The following IREB2 variants were observed in gnomAD, a reference collection of about 807,000 sequenced individuals.
IREB2 encodes iron responsive element binding protein 2.
A neutral mutation model predicts 118.8 loss-of-function variants in IREB2; 39 were observed. That is an observed-to-expected ratio of 0.33 (90% CI 0.25 to 0.43). The LOEUF is 0.43. IREB2 is among the 20% of genes least tolerant of loss of function. IREB2 has a pLI of 1.00. For missense variants in IREB2, 900 were observed against 1,147.3 expected (o/e 0.78, Z 3.11); for synonymous variants, 372 against 392.2 (o/e 0.95, Z 0.61).
At chr15:78,450,850 G>A (rs2051013390) in intron 2 of IREB2, among the ~76,000 whole-genome samples, 1 of 151,428 alleles carries the variant, frequency 6.6e-6, no homozygotes, top group Non-Finnish European at 1.5e-5. Flanking sequence ...GTGTGTGTGT[G>A]TGTGTGTGTG....
chr15:78,454,816 C>T (rs898766741), intron 2 of IREB2, among the ~76,000 whole-genome samples: 2 of 152,192 alleles, frequency 1.3e-5, no homozygotes, highest in African/African-American at 4.8e-5. Context: ...GCTTCAGCCT[C>T]GTTAGTAGTT....
At chr15:78,447,073 C>T (rs1040181185) in intron 2 of IREB2, among the ~76,000 whole-genome samples, 8 of 152,110 alleles carry the variant, frequency 5.3e-5, no homozygotes, top group Middle Eastern at 3.2e-3. Context: ...AGTGCGTGGT[C>T]AGATCAGACT....
intron 8 of IREB2, chr15:78,473,680 G>GT: frequency 4.0e-6 from 1 of 251,334 alleles, no homozygotes; most frequent in Non-Finnish European, 7.6e-6. Flanking sequence ...GTACAGTAGG[G>GT]TTTAGTGACT....
At chr15:78,478,188 T>G in intron 9 of IREB2, 109 bp from the exon 10 acceptor site, 1 of 692,938 alleles carries the variant, frequency 1.4e-6, no homozygotes, top group South Asian at 1.8e-5. Flanking sequence ...GAGCTGTGAT[T>G]GCAGCACTGC....
Position 78,484,160 on chromosome 15 carries a change from T to G in IREB2, c.1414-601T>G, listed in dbSNP as rs952524488. On this transcript the variant is annotated intron_variant, in intron 11 of 21. Coordinates refer to ENST00000258886, the MANE Select transcript of IREB2 (RefSeq NM_004136.4). ...CTTTTGAGGGTTTGTATTTTCTGTCTGAGAATCACAGTTTTAGTCTTGTCA... is the reference window on the plus strand; with the variant it reads ...CTTTTGAGGGTTTGTATTTTCTGTCGGAGAATCACAGTTTTAGTCTTGTCA... 3.9e-5 allele frequency among the ~76,000 whole-genome samples: 6 copies of G among 152,124 alleles called. No homozygotes were observed. The South Asian group carries it at 1.2e-3, about 32-fold the overall frequency.
At chr15:78,463,944 C>T (rs2051239569) in intron 3 of IREB2, among the ~76,000 whole-genome samples, 2 of 152,206 alleles carry the variant, frequency 1.3e-5, no homozygotes, top group Admixed American at 6.5e-5. Flanking sequence ...TTTGTTTAGG[C>T]TTCAAATCTA....
chr15:78,444,125 A>G (rs556472529), intron 2 of IREB2, among the ~76,000 whole-genome samples: 6 of 152,178 alleles, frequency 3.9e-5, no homozygotes, highest in African/African-American at 7.2e-5. Flanking sequence ...TGACATGATG[A>G]TAGCTCACTG....
At chr15:78,455,063 A>T (rs2051084438) in intron 2 of IREB2, among the ~76,000 whole-genome samples, 1 of 152,038 alleles carries the variant, frequency 6.6e-6, no homozygotes, top group Non-Finnish European at 1.5e-5. Flanking sequence ...AGCTGCGGGG[A>T]CGGGGTGAAA....
chr15:78,469,944 G>A (rs531132899), intron 5 of IREB2, among the ~76,000 whole-genome samples: 6 of 152,078 alleles, frequency 3.9e-5, no homozygotes, highest in Non-Finnish European at 8.8e-5. Flanking sequence ...CTGGTTAGAG[G>A]TCAATTATTT....
Position 78,487,796 on chromosome 15 carries a change from A to G in IREB2, c.1773A>G (p.Ala591=), listed in dbSNP as rs1233219610. ...GAAATACAGCACCCTTATCAGACGCAGTTTTAAATGCAGTAAAACAGGTAA... is the reference window on the plus strand; with the variant it reads ...GAAATACAGCACCCTTATCAGACGCGGTTTTAAATGCAGTAAAACAGGTAA... ...CVGNTAPLSD[A]VLNAVKQGDL... Residue 591 remains alanine, a synonymous_variant, in exon 14 of 22, where the codon GCA becomes GCG. Coordinates refer to ENST00000258886, the MANE Select transcript of IREB2 (RefSeq NM_004136.4). The G allele has an allele frequency of 1.9e-6, 3 of 1,602,182 alleles. No homozygotes were observed. The highest frequency in any genetic ancestry group is 2.7e-5 in the African/African-American group (2 of 74,686).
At chr15:78,489,701 TAAA>T (rs1264354770) in intron 16 of IREB2, among the ~76,000 whole-genome samples, 6 of 151,702 alleles carry the variant, frequency 4.0e-5, no homozygotes, top group Non-Finnish European at 8.8e-5. Context: ...TTTTGTAAAA[TAAA>T]AAATAAAAAA....
chr15:78,484,174 T>C (rs908328587), intron 11 of IREB2, among the ~76,000 whole-genome samples: 4 of 152,078 alleles, frequency 2.6e-5, no homozygotes, highest in Non-Finnish European at 2.9e-5. Context: ...AATCACAGTT[T>C]TAGTCTTGTC....
chr15:78,499,706 T>C lies in IREB2; in HGVS notation c.*1563T>C, dbSNP rs894536126. The C allele has an allele frequency of 1.3e-5, 2 of 152,264 alleles. No individual in the cohort carries two copies. Among genetic ancestry groups the C allele is most frequent in the Non-Finnish European group, 2.9e-5 (2 of 68,044 alleles). The allele number at this position is 152,264 out of a possible 1,614,324, so 9.4% of individuals were successfully genotyped here. ...TTCAAATTATATTGTGTTCTTGATA[T>C]ATGCTGTATATTTATTTGTTAGTGC... On this transcript the variant is annotated 3_prime_UTR_variant, in exon 22 of 22. Coordinates refer to ENST00000258886, the MANE Select transcript of IREB2 (RefSeq NM_004136.4).
rs778369934 is a variant in IREB2 at position 78,484,950 on chromosome 15, C to G, written c.1573+30C>G. ...GTTGTGGTTTATGGCCATACTTTTTCTTTTTCCTTAATTATTGTTGGCTTT... is the reference window on the plus strand; with the variant it reads ...GTTGTGGTTTATGGCCATACTTTTTGTTTTTCCTTAATTATTGTTGGCTTT... On this transcript the variant is annotated intron_variant, in intron 12 of 21. Transcript: ENST00000258886. The G allele has an allele frequency of 8.2e-6, 13 of 1,591,922 alleles. No homozygotes were observed. In the Admixed American group the frequency reaches 2.3e-4, roughly 28 times the overall value.
At chr15:78,446,774 C>T (rs898816025) in intron 2 of IREB2, among the ~76,000 whole-genome samples, 6 of 152,018 alleles carry the variant, frequency 3.9e-5, no homozygotes, top group East Asian at 3.9e-4. Flanking sequence ...TTGGCTTTTG[C>T]GTCGCTGCTG....
intron 5 of IREB2, among the ~76,000 whole-genome samples, chr15:78,469,378 T>G (rs2051336748): frequency 1.3e-5 from 2 of 152,066 alleles, no homozygotes; most frequent in Admixed American, 6.5e-5. Context: ...ATGCTTGGCT[T>G]CAAAAGATGA....
chr15:78,471,477 C>A (rs564911822), intron 6 of IREB2, among the ~76,000 whole-genome samples: 10 of 152,238 alleles, frequency 6.6e-5, no homozygotes, highest in African/African-American at 1.9e-4. Context: ...CCTTCTCATT[C>A]CTGAGAATCT....
At chr15:78,468,299 G>A (rs972227070) in intron 5 of IREB2, among the ~76,000 whole-genome samples, 6 of 151,916 alleles carry the variant, frequency 3.9e-5, no homozygotes, top group African/African-American at 1.5e-4. Flanking sequence ...CTGAGGTGCC[G>A]TGGCACCATC....
intron 2 of IREB2, among the ~76,000 whole-genome samples, chr15:78,452,201 G>A (rs139056974): frequency 7.3e-4 from 111 of 152,226 alleles, no homozygotes; most frequent in African/African-American, 2.5e-3. Flanking sequence ...AAAATGCCTC[G>A]ATGTTTTGGC....
Sources: gnomAD v4.1 joint callset for allele counts (sites outside exome capture counted in the v4.1 genomes callset) on GRCh38, gnomAD v4.1.1 for gene constraint, MANE v1.5 for transcripts, NCBI Gene and HGNC (gene_info 2026-07-23, HGNC 2026-07-21) for gene names.